The following TICRR variants were observed in gnomAD, a reference collection of about 807,000 sequenced individuals.
The protein encoded by TICRR is treslin.
In TICRR, 132 loss-of-function variants were observed where a neutral mutation model predicts 178.1. The ratio of observed to expected loss-of-function variants is 0.74; its 90% CI spans 0.64 to 0.86. The LOEUF (loss-of-function observed/expected upper bound fraction) is 0.86. Among genes scored for constraint, TICRR ranks in the 40% least tolerant of loss-of-function variants. TICRR has a pLI of 0.00. For missense variants in TICRR, 2,587 were observed against 2,334.3 expected, an observed-to-expected ratio of 1.11 and a Z score of -2.23; for synonymous variants, 991 against 900.7, an observed-to-expected ratio of 1.10 and a Z score of -1.79.
At chr15:89,598,656 G>A (rs1011315426) in intron 7 of TICRR, among the ~76,000 whole-genome samples, 1 of 150,252 alleles carries the variant, frequency 6.7e-6, no homozygotes, top group Non-Finnish European at 1.5e-5. Flanking sequence ...GAGCCACCAC[G>A]CCTGGCCTCC....
chr15:89,582,699 C>T lies in TICRR; in HGVS notation c.668C>T (p.Pro223Leu), dbSNP rs1423798799. Residue 223 changes from proline to leucine, a missense_variant, in exon 2 of 22, where the codon CCA becomes CTA. Transcript: ENST00000268138. ...GTTTTATTTTAGTTGTGGGAATCCCCAGACCACCTTGGATACTGGACTGTT... is the reference window on the plus strand; with the variant it reads ...GTTTTATTTTAGTTGTGGGAATCCCTAGACCACCTTGGATACTGGACTGTT... Reference protein sequence around the residue: ...TTEWSKLWESPDHLGYWTVCE... With the variant: ...TTEWSKLWESLDHLGYWTVCE... 3 of 1,613,334 alleles carry T rather than the reference C, an allele frequency of 1.9e-6. No homozygotes were observed. The highest frequency in any genetic ancestry group is 2.2e-5 in the East Asian group (1 of 44,868).
At chr15:89,601,621 G>T (rs761962080) in intron 11 of TICRR, 53 bp downstream of exon 11, 1 of 1,607,744 alleles carries the variant, frequency 6.2e-7, no homozygotes, top group Non-Finnish European at 8.5e-7. Context: ...CAAAACCTAT[G>T]TATGGTGTTG....
At position 89,599,434 on chromosome 15, in the gene TICRR, G is replaced by A. The variant is rs192218347; in HGVS notation, c.2011G>A (p.Val671Ile). ...YACARNMIST[V>I]KMFLKSKGTK... Reference sequence around the variant, plus strand: ...ATGTGCTCGAAACATGATCTCAACCGTTAAAATGTTCCTAAAATCAAAAGG... The same window carrying A: ...ATGTGCTCGAAACATGATCTCAACCATTAAAATGTTCCTAAAATCAAAAGG... The change falls in exon 8 of 22, where the codon GTT becomes ATT. Residue 671 changes from valine (V) to isoleucine (I), a missense_variant. Val to Ile is a conservative substitution (Grantham distance 29). Transcript: ENST00000268138. 1.7e-4 allele frequency: 281 copies of A among 1,613,298 alleles called. No homozygotes were observed. In the East Asian group the frequency reaches 3.0e-3, roughly 17 times the overall value.
At chr15:89,591,527 C>G (rs966826192) in intron 4 of TICRR, 1 of 152,048 alleles carries the variant, frequency 6.6e-6, no homozygotes, top group Non-Finnish European at 1.5e-5. Flanking sequence ...GTCAGGAGTT[C>G]GAGACCAGCC....
At position 89,582,705 on chromosome 15, in the gene TICRR, A is replaced by G. The variant is rs752265360; in HGVS notation, c.674A>G (p.His225Arg). 15 of 1,614,126 alleles carry G rather than the reference A, an allele frequency of 9.3e-6. No homozygotes were observed. The highest frequency in any genetic ancestry group is 1.2e-5 in the Non-Finnish European group (14 of 1,179,972). Reference sequence around the variant, plus strand: ...TTTTAGTTGTGGGAATCCCCAGACCACCTTGGATACTGGACTGTTTGTGAA... The same window carrying G: ...TTTTAGTTGTGGGAATCCCCAGACCGCCTTGGATACTGGACTGTTTGTGAA... ...EWSKLWESPD[H>R]LGYWTVCELL... is the part of the protein sequence containing the mutation. The change falls in exon 2 of 22, where the codon CAC becomes CGC. Residue 225 changes from histidine (H) to arginine (R), a missense_variant. His to Arg is a conservative substitution (Grantham distance 29, BLOSUM62 0). Transcript: ENST00000268138.
chr15:89,595,377 G>C lies in TICRR; in HGVS notation c.1682-16G>C. The C allele has an allele frequency of 1.3e-6, 2 of 1,591,016 alleles. 1 individual carries two copies. The highest frequency in any genetic ancestry group is 2.2e-5 in the South Asian group (2 of 90,522). ...GAAGGCAATTTACTTTCCCTCCTCT[G>C]ATGTTGTTTTGGTAGGAGGGGTCCC... On this transcript the variant is annotated splice_polypyrimidine_tract_variant and intron_variant, in intron 6 of 21. Transcript: ENST00000268138.
At chr15:89,596,234 C>T (rs1393391892) in intron 7 of TICRR, among the ~76,000 whole-genome samples, 1 of 152,130 alleles carries the variant, frequency 6.6e-6, no homozygotes, top group Non-Finnish European at 1.5e-5. Flanking sequence ...AAAATTAGAC[C>T]TTACTTTTAA....
intron 14 of TICRR, among the ~76,000 whole-genome samples, chr15:89,607,388 A>G (rs1963190817): frequency 6.6e-6 from 1 of 152,188 alleles, no homozygotes; most frequent in African/African-American, 2.4e-5. Context: ...GTTTAGGGGA[A>G]TAACGTACAT....
chr15:89,584,810 GA>G (rs1365718574), intron 3 of TICRR, among the ~76,000 whole-genome samples: 2 of 152,282 alleles, frequency 1.3e-5, no homozygotes, highest in African/African-American at 4.8e-5. Context: ...GTAATGTGAT[GA>G]GTGATTTCTC....
chr15:89,621,458 T>C lies in TICRR; in HGVS notation c.3220T>C (p.Ser1074Pro). ...SPKSLLFGAM[S>P]EMISPSEKGS... Reference sequence around the variant, plus strand: ...CAAGAGTCTTCTTTTTGGGGCAATGTCTGAGATGATCAGCCCCTCAGAAAA... The same window carrying C: ...CAAGAGTCTTCTTTTTGGGGCAATGCCTGAGATGATCAGCCCCTCAGAAAA... Residue 1074 changes from serine (S) to proline (P), a missense_variant, in exon 19 of 22, where the codon TCT becomes CCT. Physicochemically the swap from Ser to Pro is moderately conservative, Grantham distance 74 (BLOSUM62 -1). Transcript: ENST00000268138. 2 of 1,614,144 alleles carry C rather than the reference T, an allele frequency of 1.2e-6. No homozygotes were observed. The highest frequency in any genetic ancestry group is 1.7e-6 in the Non-Finnish European group (2 of 1,179,994).
chr15:89,587,775 G>C (rs533541944), intron 4 of TICRR, among the ~76,000 whole-genome samples: 21 of 152,300 alleles, frequency 1.4e-4, no homozygotes, highest in African/African-American at 5.1e-4. Context: ...GTTCAGGAGG[G>C]ACTGTGAAAA....
chr15:89,591,556 C>G (rs1433182023), intron 4 of TICRR: 1 of 152,012 alleles, frequency 6.6e-6, no homozygotes, highest in Admixed American at 6.6e-5. Context: ...ATGGAGAAAC[C>G]CCGTCTTTAC....
intron 13 of TICRR, among the ~76,000 whole-genome samples, chr15:89,603,916 T>A (rs954091484): frequency 2.0e-5 from 3 of 152,174 alleles, no homozygotes; most frequent in African/African-American, 7.2e-5. Context: ...ATTCACCCAT[T>A]TTGGGGCCAT....
chr15:89,583,008 A>C, intron 2 of TICRR, 43 bp downstream of exon 2: 2 of 1,527,476 alleles, frequency 1.3e-6, no homozygotes, highest in Non-Finnish European at 8.8e-7. Context: ...TTTAAATCTC[A>C]GTTACATTAA....
Position 89,625,972 on chromosome 15 carries a change from G to A in TICRR, c.5513G>A (p.Cys1838Tyr), listed in dbSNP as rs537483501. Residue 1838 changes from cysteine to tyrosine, a missense_variant, in exon 21 of 22, where the codon TGC (cysteine) becomes TAC (tyrosine). Physicochemically the swap from Cys to Tyr is radical, Grantham distance 194. Coordinates refer to ENST00000268138, the MANE Select transcript of TICRR (RefSeq NM_152259.4). ...TPPPSCAVRS[C>Y]LSASALQALT... Reference sequence around the variant, plus strand: ...CCTCCCAGCTGTGCCGTGCGGAGCTGCCTCTCTGCCAGTGCCCTCCAGGCT... The same window carrying A: ...CCTCCCAGCTGTGCCGTGCGGAGCTACCTCTCTGCCAGTGCCCTCCAGGCT... 2.5e-6 allele frequency: 4 copies of A among 1,602,650 alleles called. No homozygotes were observed. In the African/African-American group the frequency reaches 4.0e-5, roughly 16 times the overall value.
At chr15:89,582,515 G>C (rs1332973948) in intron 1 of TICRR, among the ~76,000 whole-genome samples, 171 bp from the exon 2 acceptor site, 1 of 152,118 alleles carries the variant, frequency 6.6e-6, no homozygotes, top group Non-Finnish European at 1.5e-5. Flanking sequence ...TTCTGGGGCT[G>C]CACAGTAGCT....
At chr15:89,618,002 C>A in intron 16 of TICRR, 150 bp from the exon 17 acceptor site, 1 of 807,848 alleles carries the variant, frequency 1.2e-6, no homozygotes, top group Non-Finnish European at 2.1e-6. Flanking sequence ...TCCCTCTTGA[C>A]AATAATCACG....
chr15:89,593,938 A>G (rs1962954341), intron 5 of TICRR, among the ~76,000 whole-genome samples: 1 of 152,214 alleles, frequency 6.6e-6, no homozygotes, highest in Admixed American at 6.5e-5. Flanking sequence ...AGGATTTAAT[A>G]ACTAATCACC....
chr15:89,601,453 G>A, intron 10 of TICRR, 36 bp from the exon 11 acceptor site: 4 of 1,612,154 alleles, frequency 2.5e-6, no homozygotes, highest in Non-Finnish European at 3.4e-6. Context: ...CCCTGCAGAG[G>A]GCATCTATAT....
Sources: allele counts gnomAD v4.1 joint callset (sites outside exome capture counted in the v4.1 genomes callset), GRCh38; gene constraint gnomAD v4.1.1; transcripts MANE v1.5; gene names NCBI Gene and HGNC (gene_info 2026-07-23, HGNC 2026-07-21).